The following NEGR1 variants were observed in gnomAD, a reference collection of about 807,000 sequenced individuals.
NEGR1 encodes neuronal growth regulator 1.
Under a neutral mutation model 40.9 loss-of-function variants are expected in NEGR1, and 10 were observed. The ratio of observed to expected loss-of-function variants is 0.24; its 90% confidence interval spans 0.15 to 0.42. The LOEUF is 0.42. Among genes scored for constraint, NEGR1 ranks in the 10% least tolerant of loss-of-function variants. The pLI is 1.00. For missense variants in NEGR1, 352 were observed against 438.9 expected, an observed-to-expected ratio of 0.80 and a Z score of 1.77; for synonymous variants, 185 against 166.8, an observed-to-expected ratio of 1.11 and a Z score of -0.84.
At chr1:71,561,827 C>T (rs1648466592) in intron 6 of NEGR1, among the ~76,000 whole-genome samples, 1 of 151,324 alleles carries the variant, frequency 6.6e-6, no homozygotes, top group Non-Finnish European at 1.5e-5. Context: ...AAAAAAGTGA[C>T]ACAGTATTCT....
intron 4 of NEGR1, among the ~76,000 whole-genome samples, chr1:71,651,243 TAG>T (rs1266724466): frequency 1.2e-4 from 18 of 152,152 alleles, no homozygotes; most frequent in Non-Finnish European, 1.5e-5. Flanking sequence ...CACTTGCTTG[TAG>T]AGAGTCTGTT....
At chr1:72,197,454 T>G (rs1478084355) in intron 1 of NEGR1, among the ~76,000 whole-genome samples, 1 of 152,042 alleles carries the variant, frequency 6.6e-6, no homozygotes, top group African/African-American at 2.4e-5. Context: ...TCACGTAACT[T>G]GATAGCCAAT....
chr1:72,143,240 A>G (rs1183107762), intron 1 of NEGR1, among the ~76,000 whole-genome samples: 4 of 152,022 alleles, frequency 2.6e-5, no homozygotes, highest in African/African-American at 9.7e-5. Context: ...TTGATTAAGA[A>G]GAACTTTGTT....
At chr1:71,952,780 C>G (rs1019588195) in intron 1 of NEGR1, among the ~76,000 whole-genome samples, 1 of 151,916 alleles carries the variant, frequency 6.6e-6, no homozygotes, top group South Asian at 2.1e-4. Flanking sequence ...TAACTGATGA[C>G]TTTAAGTTGA....
chr1:71,689,568 T>C (rs1440208954), intron 4 of NEGR1, among the ~76,000 whole-genome samples: 2 of 152,154 alleles, frequency 1.3e-5, no homozygotes, highest in African/African-American at 4.8e-5. Context: ...GTTATGCTCA[T>C]TGATTTATAG....
rs140394443 is a variant in NEGR1 at position 71,396,804 on chromosome 1, G to A, written c.*10642C>T. Reference sequence around the variant, plus strand: ...ATGATTGTGAGGCCTCCCCAGCCACGTGGAACTGTAAGTCTGATAAACCTC... The same window carrying A: ...ATGATTGTGAGGCCTCCCCAGCCACATGGAACTGTAAGTCTGATAAACCTC... On this transcript the variant is annotated 3_prime_UTR_variant, in exon 7 of 7. Coordinates refer to ENST00000357731, the MANE Select transcript of NEGR1 (RefSeq NM_173808.3). The A allele has an allele frequency of 6.6e-3, 1,076 of 163,438 alleles. 10 individuals are homozygous for A. The highest frequency in any genetic ancestry group is 0.011 in the Admixed American group (169 of 15,558). The allele number at this position is 163,438 out of a possible 1,614,324, so 10.1% of individuals were successfully genotyped here. A position where few individuals can be genotyped will look rare whatever the true frequency, so the allele number is the denominator to read the frequency against.
chr1:71,987,240 G>A (rs1161444923), intron 1 of NEGR1, among the ~76,000 whole-genome samples: 1 of 152,140 alleles, frequency 6.6e-6, no homozygotes, highest in Non-Finnish European at 1.5e-5. Flanking sequence ...ACTGAATCCA[G>A]ATAAAAGTAA....
At chr1:71,512,972 C>T (rs1488057264) in intron 6 of NEGR1, among the ~76,000 whole-genome samples, 1 of 152,080 alleles carries the variant, frequency 6.6e-6, no homozygotes, top group Non-Finnish European at 1.5e-5. Context: ...TATCAAGAAA[C>T]TAACAGTTTT....
intron 6 of NEGR1, among the ~76,000 whole-genome samples, chr1:71,584,228 C>T (rs528553070): frequency 1.3e-5 from 2 of 152,262 alleles, no homozygotes; most frequent in South Asian, 2.1e-4. Flanking sequence ...GAGGACATGC[C>T]ATTTTCAGTC....
chr1:72,164,980 G>T (rs1651715955), intron 1 of NEGR1, among the ~76,000 whole-genome samples: 1 of 151,954 alleles, frequency 6.6e-6, no homozygotes, highest in Middle Eastern at 3.2e-3. Context: ...TATGACCCTT[G>T]ATAATTTTTT....
At position 71,476,398 on chromosome 1, in the gene NEGR1, C is replaced by T. The variant is rs532418468; in HGVS notation, c.941-68828G>A. Among the ~76,000 whole-genome samples, 19 of 152,178 alleles carry T rather than the reference C, an allele frequency of 1.2e-4. No individual in the cohort carries two copies. In the South Asian group the frequency reaches 3.9e-3, roughly 32 times the overall value. ...TGGTGTGTAAATAATGTAACCTTTTCCAAAGAGAGGTCTGGCCTTTGACCT... is the reference window on the plus strand; with the variant it reads ...TGGTGTGTAAATAATGTAACCTTTTTCAAAGAGAGGTCTGGCCTTTGACCT... On this transcript the variant is annotated intron_variant, in intron 6 of 6. Coordinates refer to ENST00000357731, the MANE Select transcript of NEGR1 (RefSeq NM_173808.3).
intron 1 of NEGR1, among the ~76,000 whole-genome samples, chr1:72,170,179 C>CA (rs1651910385): frequency 6.6e-6 from 1 of 152,104 alleles, no homozygotes; most frequent in African/African-American, 2.4e-5. Context: ...TACCTGCACT[C>CA]AAATATTTTT....
intron 6 of NEGR1, among the ~76,000 whole-genome samples, chr1:71,475,556 G>A (rs1054839902): frequency 3.3e-5 from 5 of 151,654 alleles, no homozygotes; most frequent in Admixed American, 2.6e-4. Context: ...TTAAAATTTG[G>A]TCAAAATTAT....
At chr1:72,098,494 A>ATC (rs1482645428) in intron 1 of NEGR1, among the ~76,000 whole-genome samples, 2 of 152,142 alleles carry the variant, frequency 1.3e-5, no homozygotes, top group Non-Finnish European at 2.9e-5. Context: ...CACATTGCTT[A>ATC]TCAAGAATCA....
intron 4 of NEGR1, among the ~76,000 whole-genome samples, chr1:71,673,816 G>A (rs180815627): frequency 1.8e-3 from 273 of 149,698 alleles, no homozygotes; most frequent in African/African-American, 5.6e-3. Flanking sequence ...TTTTACTAAC[G>A]AATAAATATT....
At position 71,608,495 on chromosome 1, in the gene NEGR1, C is replaced by CTTT. The variant is rs5775073; in HGVS notation, c.788+2528_788+2530dup. 7.2e-5 allele frequency among the ~76,000 whole-genome samples: 10 copies of CTTT among 138,620 alleles called. 1 individual carries two copies. The highest frequency in any genetic ancestry group is 1.9e-4 in the African/African-American group (7 of 37,730). 90.9% of individuals were successfully genotyped at this position (138,620 alleles called of 152,430 possible). A position where few individuals can be genotyped will look rare whatever the true frequency, so the allele number is the denominator to read the frequency against. On this transcript the variant is annotated intron_variant, in intron 5 of 6. Transcript: ENST00000357731. The stretch of plus-strand genomic sequence containing the variant: ...GAAAGTGGACCGAGGATTACTGTAG[C>CTTT]TTTTTTTTTTTTTTTGACAATGGTT...
chr1:71,584,384 A>C (rs1281056250), intron 6 of NEGR1, among the ~76,000 whole-genome samples: 2 of 152,100 alleles, frequency 1.3e-5, no homozygotes, highest in East Asian at 3.9e-4. Context: ...AAAAAGAGCC[A>C]ATTTCAATTT....
At chr1:71,430,473 A>G (rs1382052449) in intron 6 of NEGR1, among the ~76,000 whole-genome samples, 3 of 151,888 alleles carry the variant, frequency 2.0e-5, no homozygotes, top group Non-Finnish European at 4.4e-5. Flanking sequence ...TTTTAATGGT[A>G]TTGAATTAGT....
At chr1:72,261,901 C>T (rs1482826527) in intron 1 of NEGR1, among the ~76,000 whole-genome samples, 4 of 151,920 alleles carry the variant, frequency 2.6e-5, no homozygotes, top group Non-Finnish European at 4.4e-5. Flanking sequence ...AAAAAATTAC[C>T]TATTAGGTAC....
Sources: gnomAD v4.1 joint callset for allele counts (sites outside exome capture counted in the v4.1 genomes callset) on GRCh38, gnomAD v4.1.1 for gene constraint, MANE v1.5 for transcripts, NCBI Gene and HGNC (gene_info 2026-07-23, HGNC 2026-07-21) for gene names.